SLIT3: variants seen among roughly 807,000 people sequenced by gnomAD.
SLIT3 encodes the protein slit guidance ligand 3, also known as slit homolog 3 protein.
SLIT3 carries 68 observed loss-of-function variants against 184.0 expected under a neutral mutation model. That is an observed-to-expected ratio of 0.37 (90% confidence interval 0.30 to 0.45). The LOEUF is 0.45. Ranked by LOEUF, SLIT3 falls within the 20% of genes least tolerant of loss-of-function variation. SLIT3 has a pLI of 1.00. For missense variants in SLIT3, 1,707 were observed against 2,026.0 expected (o/e 0.84, Z 3.02); for synonymous variants, 831 against 828.6 (o/e 1.00, Z -0.05).
intron 12 of SLIT3, among the ~76,000 whole-genome samples, chr5:168,779,791 G>A (rs895106967): frequency 6.6e-6 from 1 of 152,230 alleles, no homozygotes; most frequent in South Asian, 2.1e-4. Context: ...AGTCCCAGGT[G>A]TTCTTATCAC....
chr5:169,101,711 C>T (rs990203283), intron 4 of SLIT3, among the ~76,000 whole-genome samples: 7 of 152,210 alleles, frequency 4.6e-5, no homozygotes, highest in Non-Finnish European at 1.0e-4. Flanking sequence ...ACTCGCTACC[C>T]CTCTCTGGTC....
chr5:169,229,652 C>CTCTG (rs1327216331), intron 3 of SLIT3, among the ~76,000 whole-genome samples: 1 of 150,718 alleles, frequency 6.6e-6, no homozygotes. Flanking sequence ...TTCTCTCTCT[C>CTCTG]TCTCTCTCTC....
chr5:168,992,771 G>A (rs1755373433), intron 4 of SLIT3, among the ~76,000 whole-genome samples: 1 of 152,216 alleles, frequency 6.6e-6, no homozygotes, highest in Non-Finnish European at 1.5e-5. Context: ...ATGAATCTGT[G>A]CTGCATGGAA....
At chr5:168,806,367 G>T in intron 9 of SLIT3, 79 bp downstream of exon 9, 3 of 1,499,378 alleles carry the variant, frequency 2.0e-6, no homozygotes, top group Non-Finnish European at 2.8e-6. Flanking sequence ...CACGCTGATG[G>T]CCTAGTGGGT....
intron 28 of SLIT3, among the ~76,000 whole-genome samples, chr5:168,695,060 T>C (rs943185600): frequency 3.3e-4 from 50 of 152,290 alleles, no homozygotes; most frequent in Admixed American, 1.9e-3. Flanking sequence ...GGGGATACTG[T>C]CTATGGGCTG....
intron 4 of SLIT3, among the ~76,000 whole-genome samples, chr5:169,147,503 C>T (rs898502681): frequency 2.6e-5 from 4 of 152,176 alleles, no homozygotes; most frequent in Admixed American, 1.3e-4. Flanking sequence ...TCATGATCTG[C>T]CCATCTGCAA....
intron 4 of SLIT3, among the ~76,000 whole-genome samples, chr5:168,939,481 A>G (rs1036534932): frequency 2.0e-5 from 3 of 152,270 alleles, no homozygotes; most frequent in Non-Finnish European, 4.4e-5. Flanking sequence ...CTATAAAGGA[A>G]GGCTTAGCTA....
chr5:168,852,354 G>C lies in SLIT3; in HGVS notation c.486-7699C>G, dbSNP rs543256490. Reference sequence around the variant, plus strand: ...GTTTTTTTCTTTTTATCCCCATGGGGGTTTCAGAAAATTTTCCCACTGGGC... The same window carrying C: ...GTTTTTTTCTTTTTATCCCCATGGGCGTTTCAGAAAATTTTCCCACTGGGC... On this transcript the variant is annotated intron_variant, in intron 5 of 35. Transcript: ENST00000519560. Among the ~76,000 whole-genome samples the C allele has an allele frequency of 4.6e-5, 7 of 152,308 alleles. No homozygotes were observed. The South Asian group carries it at 1.5e-3, about 32-fold the overall frequency.
intron 4 of SLIT3, chr5:169,012,098 C>T (rs1756179829): frequency 6.6e-6 from 1 of 152,042 alleles, no homozygotes; most frequent in South Asian, 2.1e-4. Flanking sequence ...TGATGAAAGC[C>T]ATTTTTCGGG....
intron 4 of SLIT3, among the ~76,000 whole-genome samples, chr5:168,917,786 G>C (rs1163893510): frequency 6.6e-6 from 1 of 150,890 alleles, no homozygotes; most frequent in Non-Finnish European, 1.5e-5. Flanking sequence ...GGAAACCTTC[G>C]CAGCAGTATT....
chr5:169,252,935 T>A (rs756838240), intron 1 of SLIT3, among the ~76,000 whole-genome samples: 2 of 152,034 alleles, frequency 1.3e-5, no homozygotes, highest in African/African-American at 4.8e-5. Context: ...ATCAAGTGAG[T>A]CCTTGAGTAA....
At chr5:169,111,653 G>A (rs1299734559) in intron 4 of SLIT3, among the ~76,000 whole-genome samples, 2 of 152,326 alleles carry the variant, frequency 1.3e-5, no homozygotes, top group East Asian at 3.9e-4. Context: ...TCGGGAGGCT[G>A]AGGCAGGAGA....
chr5:168,809,526 C>T lies in SLIT3; in HGVS notation c.794-2939G>A, dbSNP rs1033742540. On this transcript the variant is annotated intron_variant, in intron 8 of 35. Transcript: ENST00000519560. ...TGGGTTCGTTTTCCCTAGAAACATT[C>T]TCCTGTGATCGATGCCAATGGACCA... 9.8e-5 allele frequency among the ~76,000 whole-genome samples: 15 copies of T among 152,310 alleles called. 1 individual carries two copies. The highest frequency in any genetic ancestry group is 3.6e-4 in the African/African-American group (15 of 41,580).
intron 4 of SLIT3, among the ~76,000 whole-genome samples, chr5:169,128,968 G>A (rs752930740): frequency 1.3e-5 from 2 of 152,122 alleles, no homozygotes; most frequent in Non-Finnish European, 2.9e-5. Context: ...ATACTCACAG[G>A]CAAAGGTGGA....
In SLIT3 at chr5:168,662,511, T is replaced by C. The variant is rs1261472496; in HGVS notation, c.*3943A>G. On this transcript the variant is annotated 3_prime_UTR_variant, in exon 36 of 36. Coordinates refer to ENST00000519560, the MANE Select transcript of SLIT3 (RefSeq NM_003062.4). ...ATCCCTCTTCTTGCCCTTCTTCTCA[T>C]CTTTTTGAAGCATCAGACTTGAGTT... 6.6e-6 allele frequency: 1 copy of C among 152,204 alleles called. No homozygotes were observed. Among genetic ancestry groups the C allele is most frequent in the Non-Finnish European group, 1.5e-5 (1 of 68,040 alleles). The allele number at this position is 152,204 out of a possible 1,614,324, so 9.4% of individuals were successfully genotyped here. A position where few individuals can be genotyped will look rare whatever the true frequency, so the allele number is the denominator to read the frequency against.
intron 4 of SLIT3, among the ~76,000 whole-genome samples, chr5:169,171,792 A>ATGGGG (rs1216840774): frequency 6.6e-6 from 1 of 152,214 alleles, no homozygotes; most frequent in East Asian, 1.9e-4. Flanking sequence ...CTAGAGGAAA[A>ATGGGG]TGGGGTGGGG....
In SLIT3 at chr5:169,300,793, G is replaced by T; in HGVS notation, c.-84C>A. ...CCGAGGAGGCGCGCGGGGAGCGCGG[G>T]CGGCCTGGGGAGCGGGCGGCGGAGT... On this transcript the variant is annotated 5_prime_UTR_variant, in exon 1 of 36. Transcript: ENST00000519560. This position sits in a 1 kb window ranked among gnomAD's most constrained non-coding sequence, Gnocchi z 4.1. 8.2e-7 allele frequency: 1 copy of T among 1,226,798 alleles called. No homozygotes were observed. The highest frequency in any genetic ancestry group is 1.0e-6 in the Non-Finnish European group (1 of 983,522). 76.0% of individuals were successfully genotyped at this position (1,226,798 alleles called of 1,614,324 possible).
In SLIT3 at chr5:169,071,263, T is replaced by C. The variant is rs183453483; in HGVS notation, c.413+122216A>G. ...CTTCAGTCCCTGAATGGGGCTCATG[T>C]AATGAACACAAAACCAGGGACTATG... On this transcript the variant is annotated intron_variant, in intron 4 of 35. Coordinates refer to ENST00000519560, the MANE Select transcript of SLIT3 (RefSeq NM_003062.4). 1.4e-3 allele frequency among the ~76,000 whole-genome samples: 210 copies of C among 152,356 alleles called. 1 individual carries two copies. The highest frequency in any genetic ancestry group is 0.01 in the Middle Eastern group (3 of 294).
At chr5:168,861,837 C>A (rs1371803815) in intron 5 of SLIT3, among the ~76,000 whole-genome samples, 2 of 152,156 alleles carry the variant, frequency 1.3e-5, no homozygotes, top group African/African-American at 2.4e-5. Context: ...AAAGAGAGCC[C>A]AGGAAGAGTT....
Sources: allele counts gnomAD v4.1 joint callset (sites outside exome capture counted in the v4.1 genomes callset), GRCh38; gene constraint gnomAD v4.1.1; non-coding constraint Gnocchi (gnomAD v3.1); transcripts MANE v1.5; gene names NCBI Gene and HGNC (gene_info 2026-07-23, HGNC 2026-07-21).